The following FXYD3 variants were observed in gnomAD, a reference collection of about 807,000 sequenced individuals.
The protein encoded by FXYD3 is FXYD domain-containing ion transport regulator 3.
In FXYD3, 13 loss-of-function variants were observed where a neutral mutation model predicts 19.2. The observed-to-expected ratio is 0.68, with a 90% CI of 0.44 to 1.08. The LOEUF (loss-of-function observed/expected upper bound fraction) is 1.08. Ranked by LOEUF, FXYD3 falls within the 50% of genes least tolerant of loss-of-function variation. The pLI is 0.00. For synonymous variants in FXYD3, 48 were observed against 38.9 expected, an observed-to-expected ratio of 1.23 and a Z score of -0.87; for missense variants, 101 against 109.4, an observed-to-expected ratio of 0.92 and a Z score of 0.34.
chr19:35,123,250 TCA>T lies in FXYD3; in HGVS notation c.210-19_210-18del. 6.4e-7 allele frequency: 1 copy of T among 1,573,672 alleles called. No homozygotes were observed. The highest frequency in any genetic ancestry group is 8.6e-7 in the Non-Finnish European group (1 of 1,159,374). On this transcript the variant is annotated intron_variant, in intron 7 of 8. Transcript: ENST00000604404. ...GGGCAAATGGGGGCGGACACCAATCTCACCACTTTTGTCTCCTTAGTCACCAT... is the reference window on the plus strand; with the variant it reads ...GGGCAAATGGGGGCGGACACCAATCTCCACTTTTGTCTCCTTAGTCACCAT...
chr19:35,119,545 G>A, intron 3 of FXYD3, 129 bp downstream of exon 3: 1 of 817,810 alleles, frequency 1.2e-6, no homozygotes, highest in Admixed American at 2.2e-5. Flanking sequence ...ATCTCCCTGA[G>A]GGTAAGAAAA....
intron 6 of FXYD3, 32 bp from the exon 7 acceptor site, chr19:35,122,886 C>A: frequency 1.2e-6 from 2 of 1,613,860 alleles, no homozygotes; most frequent in Non-Finnish European, 1.7e-6. Flanking sequence ...GCTGGGGCTC[C>A]CCTCCCCTGA....
chr19:35,117,171 A>G, intron 2 of FXYD3: 1 of 1,378,168 alleles, frequency 7.3e-7, no homozygotes, highest in Non-Finnish European at 9.4e-7. Flanking sequence ...TCTTCAGACA[A>G]CAGCCTGAAT....
At chr19:35,119,858 C>T (rs542353517) in intron 3 of FXYD3, 6 of 175,382 alleles carry the variant, frequency 3.4e-5, no homozygotes, top group Admixed American at 2.4e-4. Flanking sequence ...TTTGCAGAGA[C>T]GAGGTCTCAC....
In FXYD3 at chr19:35,119,875, G is replaced by A. The variant is rs2065001359; in HGVS notation, c.40+459G>A. 1.8e-5 allele frequency: 3 copies of A among 165,888 alleles called. No homozygotes were observed. In the South Asian group the frequency reaches 5.0e-4, roughly 28 times the overall value. The allele number at this position is 165,888 out of a possible 1,614,324, so 10.3% of individuals were successfully genotyped here. On this transcript the variant is annotated intron_variant, in intron 3 of 8. Coordinates refer to ENST00000604404, the MANE Select transcript of FXYD3 (RefSeq NM_005971.4). Reference sequence around the variant, plus strand: ...TGCAGAGACGAGGTCTCACTGTGTTGCCCAAGCTGGTCTCAAACTCCTGGC... The same window carrying A: ...TGCAGAGACGAGGTCTCACTGTGTTACCCAAGCTGGTCTCAAACTCCTGGC...
chr19:35,119,618 G>T, intron 3 of FXYD3: 1 of 567,710 alleles, frequency 1.8e-6, no homozygotes, highest in Non-Finnish European at 3.1e-6. Flanking sequence ...GAAAGTCACC[G>T]TCTTCCCCAT....
chr19:35,120,285 G>A (rs183511870), intron 3 of FXYD3, among the ~76,000 whole-genome samples: 6 of 152,108 alleles, frequency 3.9e-5, no homozygotes, highest in Admixed American at 1.3e-4. Context: ...CATTACAGGC[G>A]TGTGCTGCCA....
intron 3 of FXYD3, among the ~76,000 whole-genome samples, chr19:35,120,253 C>T (rs935809512): frequency 2.0e-5 from 3 of 152,028 alleles, no homozygotes; most frequent in African/African-American, 7.3e-5. Flanking sequence ...GACTCTCCTG[C>T]CTCAGCCTCC....
At chr19:35,119,438 G>GGATCC in intron 3 of FXYD3, 22 bp downstream of exon 3, 1 of 1,611,244 alleles carries the variant, frequency 6.2e-7, no homozygotes, top group Non-Finnish European at 8.5e-7. Flanking sequence ...TCCCCCGTCT[G>GGATCC]CCTTTTCCTC....
rs148760518 is a variant in FXYD3 at position 35,123,746 on chromosome 19, T to A, written c.*289T>A. 256 of 525,572 alleles carry A rather than the reference T, an allele frequency of 4.9e-4. No individual in the cohort carries two copies. Among genetic ancestry groups the A allele is most frequent in the African/African-American group, 4.7e-3 (247 of 52,720 alleles). The allele number at this position is 525,572 out of a possible 1,614,324, so 32.6% of individuals were successfully genotyped here. ...GTGCCCTGGAGGCTGACACAGAGGC[T>A]GGCACTGAGCCTGCTTGTTGGGAAA... On this transcript the variant is annotated 3_prime_UTR_variant, in exon 9 of 9. Coordinates refer to ENST00000604404, the MANE Select transcript of FXYD3 (RefSeq NM_005971.4).
chr19:35,119,160 C>T (rs749738075), intron 2 of FXYD3: 27 of 1,549,658 alleles, frequency 1.7e-5, no homozygotes, highest in African/African-American at 1.5e-4. Context: ...TGGCTCCTCC[C>T]GCCTCAGGCC....
chr19:35,120,974 C>T, intron 3 of FXYD3, 104 bp from the exon 4 acceptor site: 1 of 1,243,172 alleles, frequency 8.0e-7, no homozygotes, highest in Non-Finnish European at 1.2e-6. Context: ...CCCTGTCCCG[C>T]AGGAGACCCT....
At chr19:35,122,343 C>T (rs374770204) in intron 5 of FXYD3, among the ~76,000 whole-genome samples, 2 of 152,030 alleles carry the variant, frequency 1.3e-5, no homozygotes, top group Non-Finnish European at 2.9e-5. Flanking sequence ...TTAGTAAAGA[C>T]GGGGTTTCAC....
In FXYD3 at chr19:35,119,242, C is replaced by T. The variant is rs1322771346; in HGVS notation, c.-14-121C>T. On this transcript the variant is annotated intron_variant, in intron 2 of 8. Coordinates refer to ENST00000604404, the MANE Select transcript of FXYD3 (RefSeq NM_005971.4). ...CTCAGCCCAGCGAGATGCCAGCCTTCCTGTCCCGGGTGAGCTGCGCACCCT... is the reference window on the plus strand; with the variant it reads ...CTCAGCCCAGCGAGATGCCAGCCTTTCTGTCCCGGGTGAGCTGCGCACCCT... 2.5e-6 allele frequency: 4 copies of T among 1,611,194 alleles called. No homozygotes were observed. In the African/African-American group the frequency reaches 5.3e-5, roughly 22 times the overall value.
chr19:35,120,906 G>A (rs750097652), intron 3 of FXYD3, among the ~76,000 whole-genome samples, 172 bp from the exon 4 acceptor site: 12 of 152,230 alleles, frequency 7.9e-5, no homozygotes, highest in Admixed American at 3.3e-4. Context: ...CTGAGTGGGC[G>A]AGTCCACATT....
Position 35,123,458 on chromosome 19 carries a change from TGAG to T in FXYD3, c.*4_*6del, listed in dbSNP as rs2065098579. 2 of 1,614,090 alleles carry T rather than the reference TGAG, an allele frequency of 1.2e-6. No individual in the cohort carries two copies. The highest frequency in any genetic ancestry group is 2.2e-5 in the East Asian group (1 of 44,874). ...TCCCGCAGGCTCAGCCCAAAGCTGA[TGAG>T]GACAGACCAGCTGAAATTGGGTGGA... is the stretch of plus-strand genomic sequence containing the variant. On this transcript the variant is annotated 3_prime_UTR_variant, in exon 9 of 9. Transcript: ENST00000604404.
intron 3 of FXYD3, among the ~76,000 whole-genome samples, chr19:35,120,791 A>G (rs2065024707): frequency 6.6e-6 from 1 of 152,196 alleles, no homozygotes; most frequent in South Asian, 2.1e-4. Flanking sequence ...GGAGGCATGG[A>G]TTAACCACGT....
At chr19:35,121,467 GGTGAGGACA>G in intron 5 of FXYD3, 1 of 1,453,582 alleles carries the variant, frequency 6.9e-7, no homozygotes, top group Non-Finnish European at 9.1e-7. Context: ...ACACGCAGGA[GGTGAGGACA>G]GTTTGCAAGA....
rs574594388 is a variant in FXYD3, at chr19:35,118,344, A to G, written c.-14-1019A>G. Reference sequence around the variant, plus strand: ...GCACTCCAGCCTGGGTGACAGAGTGAAACTCCGCCTCAAAAAAAAAAAAAA... The same window carrying G: ...GCACTCCAGCCTGGGTGACAGAGTGGAACTCCGCCTCAAAAAAAAAAAAAA... On this transcript the variant is annotated intron_variant, in intron 2 of 8. Transcript: ENST00000604404. 4.4e-4 allele frequency: 189 copies of G among 433,516 alleles called. No homozygotes were observed. In the African/African-American group the frequency reaches 4.9e-3, roughly 11 times the overall value. 26.9% of individuals were successfully genotyped at this position (433,516 alleles called of 1,614,324 possible).
Sources: gnomAD v4.1 joint callset for allele counts (sites outside exome capture counted in the v4.1 genomes callset) on GRCh38, gnomAD v4.1.1 for gene constraint, MANE v1.5 for transcripts, NCBI Gene and HGNC (gene_info 2026-07-23, HGNC 2026-07-21) for gene names.